Variants in IFT43 observed in about 807,000 individuals in gnomAD.
IFT43 encodes intraflagellar transport 43, also known as intraflagellar transport protein 43 homolog.
In IFT43, 33 loss-of-function variants were observed where a neutral mutation model predicts 32.3. The ratio of observed to expected loss-of-function variants is 1.02; its 90% CI spans 0.77 to 1.37. IFT43 has a LOEUF of 1.37. IFT43 is among the 40% of genes most tolerant of loss of function. The pLI is 0.00. For missense variants in IFT43, 274 were observed against 265.9 expected (o/e 1.03, Z -0.21); for synonymous variants, 93 against 98.2 (o/e 0.95, Z 0.31).
At chr14:76,008,958 T>A (rs1435796543) in intron 2 of IFT43, among the ~76,000 whole-genome samples, 1 of 152,228 alleles carries the variant, frequency 6.6e-6, no homozygotes, top group African/African-American at 2.4e-5. Flanking sequence ...ACCTCCTGTC[T>A]TATTGAACAT....
At chr14:75,986,540 C>G (rs58790023) in intron 1 of IFT43, among the ~76,000 whole-genome samples, 3,122 of 151,968 alleles carry the variant, frequency 0.021, 97 homozygotes, top group African/African-American at 0.067. Flanking sequence ...AAAGGAAATG[C>G]AACAATACAT....
chr14:76,053,003 G>A (rs1307594187), intron 3 of IFT43, among the ~76,000 whole-genome samples: 1 of 152,188 alleles, frequency 6.6e-6, no homozygotes, highest in Non-Finnish European at 1.5e-5. Context: ...TTTGGAGTCA[G>A]ACACCCTGCT....
chr14:76,063,705 T>A (rs1488770264), intron 5 of IFT43, among the ~76,000 whole-genome samples: 1 of 152,186 alleles, frequency 6.6e-6, no homozygotes, highest in Non-Finnish European at 1.5e-5. Flanking sequence ...TGGCGGGAAA[T>A]GGAGTCTTAA....
intron 3 of IFT43, among the ~76,000 whole-genome samples, chr14:76,039,476 G>C (rs2036665951): frequency 6.6e-6 from 1 of 152,138 alleles, no homozygotes; most frequent in African/African-American, 2.4e-5. Context: ...TTTGTGGAGT[G>C]AAGTGTCTTT....
chr14:76,007,753 G>C (rs1422130013), intron 2 of IFT43, among the ~76,000 whole-genome samples: 1 of 152,158 alleles, frequency 6.6e-6, no homozygotes, highest in Non-Finnish European at 1.5e-5. Flanking sequence ...TTTTATGTTG[G>C]CTGAATGGCA....
chr14:76,031,347 C>G (rs1384337367), intron 3 of IFT43, among the ~76,000 whole-genome samples: 1 of 152,144 alleles, frequency 6.6e-6, no homozygotes, highest in Non-Finnish European at 1.5e-5. Flanking sequence ...GAGAAGCCAC[C>G]TTTATCGTAT....
chr14:76,016,847 A>G (rs1011333212), intron 2 of IFT43, among the ~76,000 whole-genome samples: 2 of 152,122 alleles, frequency 1.3e-5, no homozygotes, highest in Middle Eastern at 3.4e-3. Context: ...TTTTTCAACT[A>G]GTTTGTTATT....
chr14:75,986,024 C>G (rs2035516973), intron 1 of IFT43, 184 bp downstream of exon 1: 1 of 1,525,858 alleles, frequency 6.6e-7, no homozygotes, highest in Non-Finnish European at 8.8e-7. Flanking sequence ...CGCTGCTGGC[C>G]TGGGGTTTGC....
Position 76,083,658 on chromosome 14 carries a change from C to G in IFT43, c.*81C>G. 4 of 1,316,760 alleles carry G rather than the reference C, an allele frequency of 3.0e-6. No individual in the cohort carries two copies. In the African/African-American group the frequency reaches 5.8e-5, roughly 19 times the overall value. The allele number at this position is 1,316,760 out of a possible 1,614,324, so 81.6% of individuals were successfully genotyped here. A position where few individuals can be genotyped will look rare whatever the true frequency, so the allele number is the denominator to read the frequency against. Reference sequence around the variant, plus strand: ...GCTTGTAAGCAGCTCCGAATTTTTACCTGGAATATTTTGTAATAAAAATAT... The same window carrying G: ...GCTTGTAAGCAGCTCCGAATTTTTAGCTGGAATATTTTGTAATAAAAATAT... On this transcript the variant is annotated 3_prime_UTR_variant, in exon 9 of 9. Coordinates refer to ENST00000314067, the MANE Select transcript of IFT43 (RefSeq NM_001102564.3).
At chr14:76,043,706 C>A (rs546843012) in intron 3 of IFT43, among the ~76,000 whole-genome samples, 1 of 152,320 alleles carries the variant, frequency 6.6e-6, no homozygotes, top group South Asian at 2.1e-4. Context: ...ACCTCTGACA[C>A]CAGATGTATA....
chr14:76,017,352 T>C (rs2036208520), intron 2 of IFT43, among the ~76,000 whole-genome samples: 1 of 152,190 alleles, frequency 6.6e-6, no homozygotes, highest in Non-Finnish European at 1.5e-5. Flanking sequence ...ATATCAGATT[T>C]ATTGATTTGC....
At chr14:76,070,711 C>T (rs774408131) in intron 5 of IFT43, among the ~76,000 whole-genome samples, 3 of 152,128 alleles carry the variant, frequency 2.0e-5, no homozygotes, top group Non-Finnish European at 4.4e-5. Flanking sequence ...GCACCATCCC[C>T]TTGGCGCTGT....
chr14:76,009,127 C>G (rs894606020), intron 2 of IFT43, among the ~76,000 whole-genome samples: 1 of 152,198 alleles, frequency 6.6e-6, no homozygotes, highest in African/African-American at 2.4e-5. Flanking sequence ...TATGGCAGTT[C>G]TGTTCTTTCA....
intron 3 of IFT43, among the ~76,000 whole-genome samples, chr14:76,052,667 G>T (rs1023155621): frequency 1.2e-4 from 18 of 152,292 alleles, no homozygotes; most frequent in African/African-American, 4.3e-4. Context: ...GTCAGTGTGG[G>T]CTCCAAATGC....
At chr14:76,028,999 G>A (rs533332125) in intron 3 of IFT43, among the ~76,000 whole-genome samples, 6 of 152,290 alleles carry the variant, frequency 3.9e-5, no homozygotes, top group South Asian at 2.1e-4. Context: ...TGGGATTGCC[G>A]GGTCAAATGG....
intron 2 of IFT43, among the ~76,000 whole-genome samples, chr14:76,006,603 C>G (rs999781183): frequency 6.6e-6 from 1 of 151,992 alleles, no homozygotes; most frequent in Non-Finnish European, 1.5e-5. Context: ...TTTAAAGGAC[C>G]ATTTCTTATC....
At chr14:76,054,336 C>T (rs774553551) in intron 3 of IFT43, among the ~76,000 whole-genome samples, 20 of 152,232 alleles carry the variant, frequency 1.3e-4, no homozygotes, top group Non-Finnish European at 1.3e-4. Context: ...GGACCGTCTA[C>T]ACAGTAAATC....
intron 2 of IFT43, among the ~76,000 whole-genome samples, chr14:75,999,241 ATAT>A (rs1566699138): frequency 1.6e-3 from 21 of 12,944 alleles, no homozygotes; most frequent in African/African-American, 4.9e-3. Context: ...ATATATATAT[ATAT>A]ATATATATAT....
intron 2 of IFT43, among the ~76,000 whole-genome samples, chr14:76,012,540 C>T (rs568522866): frequency 1.3e-5 from 2 of 152,326 alleles, no homozygotes; most frequent in African/African-American, 2.4e-5. Context: ...TCATTCCTGC[C>T]CCCTGTTTAT....
Sources: allele counts gnomAD v4.1 joint callset (sites outside exome capture counted in the v4.1 genomes callset), GRCh38; gene constraint gnomAD v4.1.1; transcripts MANE v1.5; gene names NCBI Gene and HGNC (gene_info 2026-07-23, HGNC 2026-07-21).